KCNH8: variants seen among roughly 807,000 people sequenced by gnomAD.
The protein encoded by KCNH8 is potassium voltage-gated channel subfamily H member 8.
Under a neutral mutation model 103.6 loss-of-function variants are expected in KCNH8, and 70 were observed. That is an observed-to-expected ratio of 0.68 (90% CI 0.56 to 0.82). The LOEUF (loss-of-function observed/expected upper bound fraction) is 0.82, where lower values mean the gene tolerates loss of function less well. Ranked by LOEUF, KCNH8 falls within the 40% of genes least tolerant of loss-of-function variation. The pLI is 0.00. For missense variants in KCNH8, 1,217 were observed against 1,329.9 expected, an observed-to-expected ratio of 0.92 and a Z score of 1.32; for synonymous variants, 498 against 489.4, an observed-to-expected ratio of 1.02 and a Z score of -0.23.
At chr3:19,226,764 C>G (rs941753302) in intron 1 of KCNH8, among the ~76,000 whole-genome samples, 1 of 152,124 alleles carries the variant, frequency 6.6e-6, no homozygotes, top group Non-Finnish European at 1.5e-5. Flanking sequence ...GATATGGTGC[C>G]TATAATTGGA....
chr3:19,190,247 A>G (rs2063538481), intron 1 of KCNH8, among the ~76,000 whole-genome samples: 2 of 151,890 alleles, frequency 1.3e-5, no homozygotes. Context: ...TAAGGGAAAA[A>G]TTTTATTCAC....
At chr3:19,181,217 A>G (rs1352004775) in intron 1 of KCNH8, among the ~76,000 whole-genome samples, 3 of 152,208 alleles carry the variant, frequency 2.0e-5, no homozygotes, top group African/African-American at 7.2e-5. Flanking sequence ...ATCAAGAGGA[A>G]AATTGAGCCC....
At chr3:19,412,223 C>A (rs556017394) in intron 7 of KCNH8, among the ~76,000 whole-genome samples, 39 of 151,942 alleles carry the variant, frequency 2.6e-4, no homozygotes, top group African/African-American at 8.7e-4. Context: ...GAGTAGAGAA[C>A]CCAGAAATAA....
chr3:19,153,671 C>T (rs1452330223), intron 1 of KCNH8, among the ~76,000 whole-genome samples: 4 of 138,460 alleles, frequency 2.9e-5, no homozygotes, highest in East Asian at 4.2e-4. Context: ...CTCACTCTGT[C>T]GCACAGGCTG....
At chr3:19,262,661 T>A (rs957882066) in intron 2 of KCNH8, among the ~76,000 whole-genome samples, 1 of 152,020 alleles carries the variant, frequency 6.6e-6, no homozygotes. Flanking sequence ...ACAGCAAGAA[T>A]GTACTTTTAA....
chr3:19,327,606 A>G (rs2065441721), intron 3 of KCNH8, among the ~76,000 whole-genome samples: 1 of 152,176 alleles, frequency 6.6e-6, no homozygotes, highest in Non-Finnish European at 1.5e-5. Context: ...CCATAATTAT[A>G]GACAATCTAA....
At chr3:19,362,491 C>T (rs540637439) in intron 5 of KCNH8, among the ~76,000 whole-genome samples, 2 of 152,246 alleles carry the variant, frequency 1.3e-5, no homozygotes, top group African/African-American at 4.8e-5. Context: ...GCACCTGTCT[C>T]ATGGGAAATT....
rs185171905 is a variant in KCNH8 at position 19,506,967 on chromosome 3, G to A, written c.2041-3396G>A. On this transcript the variant is annotated intron_variant, in intron 11 of 15. Coordinates refer to ENST00000328405, the MANE Select transcript of KCNH8 (RefSeq NM_144633.3). ...ATGGTCTTTTTGCCTTCCCCAGTCC[G>A]AGGGCAGCAAGAGCAGTACCACTCT... is the stretch of plus-strand genomic sequence containing the variant. 2.6e-3 allele frequency among the ~76,000 whole-genome samples: 395 copies of A among 152,220 alleles called. 2 individuals carry two copies. The highest frequency in any genetic ancestry group is 8.9e-3 in the African/African-American group (371 of 41,536).
At chr3:19,356,710 GAT>G (rs2065886284) in intron 5 of KCNH8, among the ~76,000 whole-genome samples, 1 of 151,934 alleles carries the variant, frequency 6.6e-6, no homozygotes, top group Non-Finnish European at 1.5e-5. Context: ...GTGCATTAGT[GAT>G]TTGCCCAAGG....
intron 3 of KCNH8, among the ~76,000 whole-genome samples, chr3:19,333,626 T>G (rs1453691986): frequency 1.3e-5 from 2 of 152,104 alleles, no homozygotes; most frequent in Non-Finnish European, 2.9e-5. Context: ...TGTTGTACAA[T>G]TCAATACGTG....
intron 3 of KCNH8, among the ~76,000 whole-genome samples, chr3:19,283,500 A>T (rs888953747): frequency 1.1e-4 from 16 of 152,112 alleles, no homozygotes; most frequent in Admixed American, 7.9e-4. Flanking sequence ...TTATCTCAAC[A>T]TTATCTCATA....
intron 10 of KCNH8, 140 bp from the exon 11 acceptor site, chr3:19,456,628 T>C: frequency 1.1e-5 from 7 of 611,924 alleles, no homozygotes; most frequent in Middle Eastern, 4.4e-4. Context: ...TATGCCAAAG[T>C]TGAAAAGCCC....
chr3:19,503,155 C>A lies in KCNH8; in HGVS notation c.2041-7208C>A, dbSNP rs1319069441. On this transcript the variant is annotated intron_variant, in intron 11 of 15. Coordinates refer to ENST00000328405, the MANE Select transcript of KCNH8 (RefSeq NM_144633.3). The stretch of plus-strand genomic sequence containing the variant: ...CACTTCTCAAAAGAAGACATTTATG[C>A]AGCCAAAAAACACATGAAAAAATGC... Among the ~76,000 whole-genome samples, 464 of 151,364 alleles carry A rather than the reference C, an allele frequency of 3.1e-3. 3 individuals carry two copies. Among genetic ancestry groups the A allele is most frequent in the African/African-American group, 0.01 (421 of 41,320 alleles).
chr3:19,263,677 A>G (rs77140318), intron 2 of KCNH8, among the ~76,000 whole-genome samples: 1,970 of 152,208 alleles, frequency 0.013, 100 homozygotes, highest in East Asian at 0.097. Context: ...AGGAGATTAC[A>G]TAGCATAACT....
chr3:19,384,373 A>G (rs1370627327), intron 5 of KCNH8, among the ~76,000 whole-genome samples: 1 of 152,234 alleles, frequency 6.6e-6, no homozygotes, highest in Admixed American at 6.5e-5. Context: ...CAAGTCCTCA[A>G]TAGCAGTATT....
intron 5 of KCNH8, among the ~76,000 whole-genome samples, chr3:19,367,567 CATATTTA>C (rs1185194083): frequency 2.7e-5 from 4 of 150,858 alleles, no homozygotes; most frequent in African/African-American, 9.7e-5. Context: ...TATTTAATAA[CATATTTA>C]ATATTTGCAT....
intron 3 of KCNH8, among the ~76,000 whole-genome samples, chr3:19,284,340 G>A (rs1462247195): frequency 1.3e-5 from 2 of 152,102 alleles, no homozygotes; most frequent in African/African-American, 4.8e-5. Context: ...ATTTTTCTAT[G>A]TTTTGGGGGA....
chr3:19,262,766 A>G (rs1477173227), intron 2 of KCNH8, among the ~76,000 whole-genome samples: 1 of 152,082 alleles, frequency 6.6e-6, no homozygotes, highest in Non-Finnish European at 1.5e-5. Context: ...CACCACGTCT[A>G]AAGAACCAAG....
chr3:19,456,633 A>T, intron 10 of KCNH8, 135 bp from the exon 11 acceptor site: 1 of 622,496 alleles, frequency 1.6e-6, no homozygotes, highest in Non-Finnish European at 2.9e-6. Context: ...CAAAGTTGAA[A>T]AGCCCTGCCC....
Sources: gnomAD v4.1 joint callset for allele counts (sites outside exome capture counted in the v4.1 genomes callset) on GRCh38, gnomAD v4.1.1 for gene constraint, MANE v1.5 for transcripts, NCBI Gene and HGNC (gene_info 2026-07-23, HGNC 2026-07-21) for gene names.